Variants in APP observed in about 807,000 individuals in gnomAD.
The protein encoded by APP is amyloid-beta precursor protein.
Under a neutral mutation model 101.4 loss-of-function variants are expected in APP, and 31 were observed. That is an observed-to-expected ratio of 0.31 (90% CI 0.23 to 0.41). The LOEUF is 0.41. Among genes scored for constraint, APP ranks in the 10% least tolerant of loss-of-function variants. The probability of loss-of-function intolerance (pLI) is 1.00; values close to 1 mark genes in which losing one functional copy is unlikely to be tolerated. For missense variants in APP, 839 were observed against 1,003.7 expected, an observed-to-expected ratio of 0.84 and a Z score of 2.22; for synonymous variants, 366 against 364.4, an observed-to-expected ratio of 1.00 and a Z score of -0.05.
chr21:25,888,077 T>C (rs954330936), intron 17 of APP, among the ~76,000 whole-genome samples: 1 of 152,188 alleles, frequency 6.6e-6, no homozygotes, highest in African/African-American at 2.4e-5. Flanking sequence ...TCAGGCACGA[T>C]GGTATGTAAG....
intron 1 of APP, among the ~76,000 whole-genome samples, chr21:26,139,785 C>T (rs1023173370): frequency 4.6e-5 from 7 of 152,098 alleles, no homozygotes; most frequent in Non-Finnish European, 8.8e-5. Context: ...CCCAGCTACT[C>T]AGGAGGCTGA....
At chr21:25,996,192 G>A (rs2043048448) in intron 8 of APP, among the ~76,000 whole-genome samples, 1 of 152,134 alleles carries the variant, frequency 6.6e-6, no homozygotes, top group Non-Finnish European at 1.5e-5. Context: ...TGTAAGTAAG[G>A]CCTGCAGTGG....
chr21:25,922,904 A>C (rs947642757), intron 13 of APP, among the ~76,000 whole-genome samples: 1 of 130,652 alleles, frequency 7.7e-6, no homozygotes, highest in Non-Finnish European at 1.6e-5. Flanking sequence ...GGAACCAAAA[A>C]AGAGCCCGCA....
chr21:26,098,194 T>C (rs1408077023), intron 2 of APP, among the ~76,000 whole-genome samples: 1 of 148,206 alleles, frequency 6.7e-6, no homozygotes. Context: ...TTTTTATATA[T>C]AATAATTATT....
intron 14 of APP, among the ~76,000 whole-genome samples, chr21:25,906,733 T>C (rs2038810831): frequency 1.3e-5 from 2 of 152,176 alleles, no homozygotes; most frequent in African/African-American, 4.8e-5. Context: ...ATGCAGTTAG[T>C]TGAAAGGTCA....
intron 13 of APP, among the ~76,000 whole-genome samples, chr21:25,917,329 A>C (rs2039403207): frequency 6.6e-6 from 1 of 152,154 alleles, no homozygotes; most frequent in East Asian, 1.9e-4. Flanking sequence ...AGAGGGAAGA[A>C]GCCCTACCAC....
chr21:26,043,961 A>G (rs2045492527), intron 5 of APP, among the ~76,000 whole-genome samples: 1 of 152,186 alleles, frequency 6.6e-6, no homozygotes, highest in Non-Finnish European at 1.5e-5. Flanking sequence ...TTGTGTTCCT[A>G]TGTTACAAAA....
At chr21:25,942,309 G>A (rs2040608567) in intron 13 of APP, 1 of 152,170 alleles carries the variant, frequency 6.6e-6, no homozygotes, top group Non-Finnish European at 1.5e-5. Context: ...ACTGGACACA[G>A]AGACACTGGA....
In APP at chr21:26,161,773, G is replaced by A. The variant is rs76642316; in HGVS notation, c.57+8791C>T. Among the ~76,000 whole-genome samples the A allele has an allele frequency of 5.1e-3, 778 of 152,240 alleles. 27 individuals carry two copies. The highest frequency in any genetic ancestry group is 0.042 in the Admixed American group (635 of 15,280). ...TTGTGTTAAACCATAATAAGCAATT[G>A]AGAGCATCAGGATGGAGAATATTTG... On this transcript the variant is annotated intron_variant, in intron 1 of 17. Coordinates refer to ENST00000346798, the MANE Select transcript of APP (RefSeq NM_000484.4).
chr21:26,006,572 T>C (rs8133736), intron 6 of APP, among the ~76,000 whole-genome samples: 9,752 of 152,262 alleles, frequency 0.064, 1,063 homozygotes, highest in African/African-American at 0.22. Flanking sequence ...CCCTGGATTA[T>C]ACAAAATGAT....
At chr21:25,955,179 C>CA (rs1216923866) in intron 12 of APP, among the ~76,000 whole-genome samples, 1 of 152,088 alleles carries the variant, frequency 6.6e-6, no homozygotes, top group African/African-American at 2.4e-5. Context: ...TAAAATTTCA[C>CA]ATTTCCTAAG....
At chr21:26,064,299 G>A (rs1304325291) in intron 3 of APP, among the ~76,000 whole-genome samples, 1 of 152,150 alleles carries the variant, frequency 6.6e-6, no homozygotes, top group Non-Finnish European at 1.5e-5. Context: ...TGCAACAAAT[G>A]TACCATATTA....
At chr21:26,115,590 C>T (rs2062417792) in intron 1 of APP, among the ~76,000 whole-genome samples, 1 of 152,224 alleles carries the variant, frequency 6.6e-6, no homozygotes, top group African/African-American at 2.4e-5. Context: ...AATGTGGCCA[C>T]ATTAAACATT....
rs1601207711 is a variant in APP, at chr21:26,013,538, T to G, written c.865+8302A>C. On this transcript the variant is annotated intron_variant, in intron 6 of 17. Coordinates refer to ENST00000346798, the MANE Select transcript of APP (RefSeq NM_000484.4). ...AAAATATGAGAAAGACTAATATTCT[T>G]TAAAAATCTAGTTTCTGGCCTTTAA... Among the ~76,000 whole-genome samples the G allele has an allele frequency of 2.0e-5, 3 of 152,256 alleles. No individual in the cohort carries two copies. The East Asian group carries it at 5.8e-4, about 29-fold the overall frequency.
rs1568989344 is a variant in APP at position 26,112,136 on chromosome 21, T to G, written c.68A>C (p.Asp23Ala). 2.5e-6 allele frequency: 4 copies of G among 1,613,830 alleles called. No individual in the cohort carries two copies. The South Asian group carries it at 4.4e-5, about 18-fold the overall frequency. Reference protein sequence around the residue: ...WTARALEVPTDGNAGLLAEPQ... With the variant: ...WTARALEVPTAGNAGLLAEPQ... ...TTCAGCCAGCAGGCCAGCATTACCA[T>G]CAGTGGGTACCTGAAAGAAGAAGCT... Residue 23 changes from aspartate (D) to alanine (A), a missense_variant, in exon 2 of 18, where the codon GAT becomes GCT. Transcript: ENST00000346798.
chr21:26,088,669 G>C (rs1322543004), intron 3 of APP, among the ~76,000 whole-genome samples: 1 of 152,086 alleles, frequency 6.6e-6, no homozygotes, highest in South Asian at 2.1e-4. Context: ...ATTTTTTTGA[G>C]TAGGAGTTCT....
chr21:25,918,511 C>T (rs2146343787), intron 13 of APP, among the ~76,000 whole-genome samples: 1 of 152,092 alleles, frequency 6.6e-6, no homozygotes, highest in African/African-American at 2.4e-5. Context: ...TGGGCGCAGG[C>T]CAGTGGGTGC....
intron 5 of APP, among the ~76,000 whole-genome samples, chr21:26,042,253 GCCTCTC>G (rs2045405712): frequency 1.3e-5 from 2 of 152,084 alleles, no homozygotes; most frequent in Non-Finnish European, 2.9e-5. Context: ...GTCAAATACA[GCCTCTC>G]TTTCTCTCTC....
At chr21:25,920,355 AG>A (rs1404567461) in intron 13 of APP, among the ~76,000 whole-genome samples, 3 of 152,226 alleles carry the variant, frequency 2.0e-5, no homozygotes, top group Admixed American at 1.3e-4. Context: ...TCATAATGAC[AG>A]GATCAAATTC....
Sources: gnomAD v4.1 joint callset for allele counts (sites outside exome capture counted in the v4.1 genomes callset) on GRCh38, gnomAD v4.1.1 for gene constraint, MANE v1.5 for transcripts, NCBI Gene and HGNC (gene_info 2026-07-23, HGNC 2026-07-21) for gene names.